Variants in GLIS3 observed in about 807,000 individuals in gnomAD.
GLIS3 encodes the protein zinc finger protein GLIS3.
In GLIS3, 53 loss-of-function variants were observed where a neutral mutation model predicts 78.6. The observed-to-expected ratio is 0.67, with a 90% CI of 0.54 to 0.85. GLIS3 has a LOEUF of 0.85. Among genes scored for constraint, GLIS3 ranks in the 40% least tolerant of loss-of-function variants. The pLI, the probability that GLIS3 is intolerant of heterozygous loss-of-function variation, is 0.00. For missense variants in GLIS3, 1,703 were observed against 1,231.1 expected (o/e 1.38, Z -5.74); for synonymous variants, 684 against 509.9 (o/e 1.34, Z -4.60).
intron 2 of GLIS3, among the ~76,000 whole-genome samples, chr9:4,195,617 G>A (rs1182338669): frequency 2.6e-5 from 4 of 152,384 alleles, no homozygotes; most frequent in Middle Eastern, 6.8e-3. Context: ...TCCCAGATGG[G>A]CACGCCCCCT....
At chr9:4,006,185 C>A (rs576261547) in intron 4 of GLIS3, among the ~76,000 whole-genome samples, 1 of 151,800 alleles carries the variant, frequency 6.6e-6, no homozygotes, top group Non-Finnish European at 1.5e-5. Context: ...TAATGTTAGG[C>A]CCTTTGCTGT....
chr9:4,196,850 G>C (rs1490502868), intron 2 of GLIS3, among the ~76,000 whole-genome samples: 1 of 152,178 alleles, frequency 6.6e-6, no homozygotes. Flanking sequence ...AGTCCAGCTT[G>C]GCAACCTGGA....
At chr9:4,274,196 C>G (rs1587259530) in intron 2 of GLIS3, among the ~76,000 whole-genome samples, 2 of 152,250 alleles carry the variant, frequency 1.3e-5, no homozygotes, top group South Asian at 4.1e-4. Flanking sequence ...ATGTTGTTTC[C>G]CTACAGCAAT....
intron 2 of GLIS3, among the ~76,000 whole-genome samples, chr9:4,136,405 C>T (rs1432122806): frequency 1.3e-5 from 2 of 152,092 alleles, no homozygotes; most frequent in African/African-American, 4.8e-5. Context: ...TGAAGTTGGC[C>T]TCATGGAGAT....
At chr9:4,197,710 G>T (rs965448012) in intron 2 of GLIS3, among the ~76,000 whole-genome samples, 1 of 152,192 alleles carries the variant, frequency 6.6e-6, no homozygotes, top group Non-Finnish European at 1.5e-5. Flanking sequence ...TTAGCCTGTT[G>T]TCTAAGTCAG....
chr9:4,350,329 A>G (rs1817952920), upstream of GLIS3, among the ~76,000 whole-genome samples: 1 of 152,220 alleles, frequency 6.6e-6, no homozygotes, highest in Non-Finnish European at 1.5e-5. Context: ...AAATTAACTT[A>G]AAGAGACTAT....
chr9:4,015,950 C>T (rs189943584), intron 4 of GLIS3, among the ~76,000 whole-genome samples: 14 of 151,416 alleles, frequency 9.2e-5, no homozygotes, highest in Admixed American at 4.6e-4. Context: ...CCAACCTGGC[C>T]GTCATAAATA....
At chr9:4,372,851 G>C in the GLIS3 span, among the ~76,000 whole-genome samples, 4 of 152,240 alleles carry the variant, frequency 2.6e-5, no homozygotes, top group East Asian at 5.8e-4. Flanking sequence ...ACTTTGGCAG[G>C]TATTACCCTA....
chr9:4,184,660 G>A (rs748284784), intron 2 of GLIS3, among the ~76,000 whole-genome samples: 31 of 152,220 alleles, frequency 2.0e-4, no homozygotes, highest in Non-Finnish European at 4.0e-4. Context: ...AGTTCCTACT[G>A]GGGGAACCCC....
chr9:3,824,674 G>A lies in GLIS3; in HGVS notation c.*3598C>T, dbSNP rs775827173. 1 of 152,552 alleles carries A rather than the reference G, an allele frequency of 6.6e-6. No homozygotes were observed. Among genetic ancestry groups the A allele is most frequent in the Non-Finnish European group, 1.5e-5 (1 of 68,026 alleles). 9.4% of individuals were successfully genotyped at this position (152,552 alleles called of 1,614,324 possible). A position where few individuals can be genotyped will look rare whatever the true frequency, so the allele number is the denominator to read the frequency against. Reference sequence around the variant, plus strand: ...AGATTTATGACAATAAGCACCAGATGTGCCTCTAGAGTAAAATCGGCCCCA... The same window carrying A: ...AGATTTATGACAATAAGCACCAGATATGCCTCTAGAGTAAAATCGGCCCCA... On this transcript the variant is annotated 3_prime_UTR_variant, in exon 11 of 11. Transcript: ENST00000381971.
chr9:4,299,360 C>G (rs1408253833), intron 1 of GLIS3, 61 bp downstream of exon 1: 1 of 152,296 alleles, frequency 6.6e-6, no homozygotes, highest in East Asian at 1.9e-4. Context: ...CCCACACTCT[C>G]AAGCGCCCGG....
At chr9:4,357,895 T>C in the GLIS3 span, among the ~76,000 whole-genome samples, 1 of 152,188 alleles carries the variant, frequency 6.6e-6, no homozygotes, top group Non-Finnish European at 1.5e-5. Context: ...GCTGTTAAAT[T>C]GTTTGAAATG....
At chr9:4,046,886 T>C (rs4741877) in intron 4 of GLIS3, among the ~76,000 whole-genome samples, 46,219 of 152,008 alleles carry the variant, frequency 0.3, 8,675 homozygotes, top group Middle Eastern at 0.44. Flanking sequence ...GAGGACACAA[T>C]TAGGGATGAA....
chr9:3,941,741 G>C (rs570003167), intron 4 of GLIS3, among the ~76,000 whole-genome samples: 1 of 152,308 alleles, frequency 6.6e-6, no homozygotes, highest in Admixed American at 6.5e-5. Flanking sequence ...GCCTCACTTT[G>C]AGAGAGAGTT....
the GLIS3 span, among the ~76,000 whole-genome samples, chr9:4,482,245 G>T: frequency 7.1e-4 from 108 of 152,286 alleles, no homozygotes; most frequent in African/African-American, 2.3e-3. Context: ...AGCCCATGAG[G>T]TAAAGTTCTA....
At chr9:4,329,908 A>G (rs560469924) in intron 2 of GLIS3, among the ~76,000 whole-genome samples, 4 of 152,340 alleles carry the variant, frequency 2.6e-5, no homozygotes, top group South Asian at 4.1e-4. Context: ...GGGGACACAG[A>G]TGAATAAATG....
chr9:4,108,045 T>C (rs1370680053), intron 4 of GLIS3, among the ~76,000 whole-genome samples: 1 of 152,146 alleles, frequency 6.6e-6, no homozygotes, highest in East Asian at 1.9e-4. Flanking sequence ...GAATAATTAA[T>C]GATCTTTGAA....
At chr9:4,479,993 G>A in the GLIS3 span, among the ~76,000 whole-genome samples, 2 of 144,790 alleles carry the variant, frequency 1.4e-5, no homozygotes, top group African/African-American at 5.1e-5. Flanking sequence ...GACCTCAGGT[G>A]ATCCGCCCAC....
chr9:3,910,590 A>G (rs972232041), intron 6 of GLIS3, among the ~76,000 whole-genome samples: 1 of 152,158 alleles, frequency 6.6e-6, no homozygotes, highest in Non-Finnish European at 1.5e-5. Flanking sequence ...GACTCAAGCA[A>G]TCTTCCCACT....
Sources: gnomAD v4.1 joint callset for allele counts (sites outside exome capture counted in the v4.1 genomes callset) on GRCh38, gnomAD v4.1.1 for gene constraint, MANE v1.5 for transcripts, NCBI Gene and HGNC (gene_info 2026-07-23, HGNC 2026-07-21) for gene names.